Variants in APBB2 observed in about 807,000 individuals in gnomAD.
APBB2 encodes the protein amyloid beta precursor protein binding family B member 2.
In APBB2, 38 loss-of-function variants were observed where a neutral mutation model predicts 82.5. That is an observed-to-expected ratio of 0.46 (90% CI 0.36 to 0.60). APBB2 has a LOEUF of 0.60. APBB2 is among the 20% of genes least tolerant of loss of function. The pLI is 0.00. For missense variants in APBB2, 772 were observed against 972.3 expected (o/e 0.79, Z 2.74); for synonymous variants, 341 against 368.2 (o/e 0.93, Z 0.85).
chr4:40,979,679 C>A (rs1468825502), intron 6 of APBB2, among the ~76,000 whole-genome samples: 1 of 152,192 alleles, frequency 6.6e-6, no homozygotes, highest in African/African-American at 2.4e-5. Flanking sequence ...AAAGGGCAGC[C>A]TCTGGGGATG....
At chr4:40,846,326 C>CAAAAAA (rs3086182) in intron 12 of APBB2, among the ~76,000 whole-genome samples, 26 of 62,494 alleles carry the variant, frequency 4.2e-4, no homozygotes, top group African/African-American at 1.6e-3. Context: ...GAAAACACTC[C>CAAAAAA]AAAAAAAAAA....
intron 3 of APBB2, among the ~76,000 whole-genome samples, chr4:41,066,373 A>C (rs552366010): frequency 1.3e-5 from 2 of 152,278 alleles, no homozygotes; most frequent in South Asian, 2.1e-4. Flanking sequence ...TTATTTAAAA[A>C]ACATATGCAG....
intron 4 of APBB2, among the ~76,000 whole-genome samples, chr4:41,059,981 C>CAAA (rs5857772): frequency 1.4e-5 from 2 of 145,716 alleles, no homozygotes; most frequent in South Asian, 2.2e-4. Context: ...AACTCCGTCT[C>CAAA]AAAAAAAAAT....
At position 41,152,530 on chromosome 4, in the gene APBB2, G is replaced by A. The variant is rs556497415; in HGVS notation, c.-416-9388C>T. On this transcript the variant is annotated intron_variant, in intron 1 of 17. Transcript: ENST00000508593. Reference sequence around the variant, plus strand: ...TTTTTAGTAGAGACGGGATTTCACCGTGTTAGCCAGGATGGTCTCGATCTC... The same window carrying A: ...TTTTTAGTAGAGACGGGATTTCACCATGTTAGCCAGGATGGTCTCGATCTC... Among the ~76,000 whole-genome samples the A allele has an allele frequency of 1.1e-4, 17 of 151,954 alleles. 1 individual carries two copies. In the South Asian group the frequency reaches 3.1e-3, roughly 28 times the overall value.
At chr4:40,943,998 G>A (rs775856235) in intron 7 of APBB2, among the ~76,000 whole-genome samples, 2 of 152,368 alleles carry the variant, frequency 1.3e-5, no homozygotes, top group East Asian at 3.9e-4. Context: ...TTAAAAACAG[G>A]AAGGGTGATA....
intron 6 of APBB2, among the ~76,000 whole-genome samples, chr4:40,974,290 G>A (rs1293594405): frequency 6.6e-6 from 1 of 152,176 alleles, no homozygotes; most frequent in Non-Finnish European, 1.5e-5. Context: ...GCTCTTCAAT[G>A]TATCTTTCTG....
At chr4:40,825,201 C>G (rs919624908) in intron 15 of APBB2, among the ~76,000 whole-genome samples, 1 of 152,198 alleles carries the variant, frequency 6.6e-6, no homozygotes, top group Non-Finnish European at 1.5e-5. Flanking sequence ...TTTTTGCATG[C>G]ACAAACGTTT....
Position 40,945,090 on chromosome 4 carries a change from C to T in APBB2, c.836-17G>A, listed in dbSNP as rs370375410. 79 of 657,986 alleles carry T rather than the reference C, an allele frequency of 1.2e-4. No individual in the cohort carries two copies. The highest frequency in any genetic ancestry group is 3.1e-4 in the Admixed American group (10 of 32,474). The allele number at this position is 657,986 out of a possible 1,614,324, so 40.8% of individuals were successfully genotyped here. On this transcript the variant is annotated splice_polypyrimidine_tract_variant and intron_variant, in intron 6 of 17. Coordinates refer to ENST00000508593, the MANE Select transcript of APBB2 (RefSeq NM_004307.2). ...ATATATCTGCTGAAAAATTGGGGGG[C>T]GGGGCGGGGGGAGAAAGAGAGAATT... is the stretch of plus-strand genomic sequence containing the variant.
rs373320430 is a variant in APBB2, at chr4:40,944,996, C to T, written c.913G>A (p.Gly305Arg). 4.1e-5 allele frequency: 66 copies of T among 1,609,506 alleles called. No individual in the cohort carries two copies. Among genetic ancestry groups the T allele is most frequent in the African/African-American group, 1.4e-4 (10 of 73,670 alleles). Residue 305 changes from glycine to arginine, a missense_variant, in exon 7 of 18, where the codon GGG becomes AGG. By Grantham distance (125) the Gly-to-Arg change is moderately radical. Transcript: ENST00000508593. ...GTTGGGATGTGCCAATAATAGGTCC[C>T]GGCAATGTCACTGACTCTTTTCCAG... ...PGWKRVSDIA[G>R]TYYWHIPTGT...
chr4:40,830,269 T>C (rs1454056199), intron 13 of APBB2, among the ~76,000 whole-genome samples, 194 bp downstream of exon 13: 1 of 152,092 alleles, frequency 6.6e-6, no homozygotes. Flanking sequence ...ATTCATTTTG[T>C]GTAGATGGAG....
At chr4:40,892,470 G>A (rs935094961) in intron 11 of APBB2, 2 of 152,210 alleles carry the variant, frequency 1.3e-5, no homozygotes, top group African/African-American at 4.8e-5. Context: ...CCATTGGGAT[G>A]TGCTGCTAGG....
intron 1 of APBB2, among the ~76,000 whole-genome samples, chr4:41,164,916 T>C (rs1191604839): frequency 6.6e-6 from 1 of 152,240 alleles, no homozygotes; most frequent in Non-Finnish European, 1.5e-5. Context: ...AAAATTAACA[T>C]AGAGTCCATC....
intron 7 of APBB2, among the ~76,000 whole-genome samples, chr4:40,936,572 A>G (rs1785414775): frequency 6.6e-6 from 1 of 152,212 alleles, no homozygotes; most frequent in Non-Finnish European, 1.5e-5. Context: ...TGCACTTACC[A>G]AACTCTGCAA....
chr4:40,974,910 A>G (rs1373147230), intron 6 of APBB2, among the ~76,000 whole-genome samples: 1 of 152,238 alleles, frequency 6.6e-6, no homozygotes, highest in African/African-American at 2.4e-5. Context: ...AAAGTGCTCA[A>G]AACATGATTT....
intron 3 of APBB2, among the ~76,000 whole-genome samples, chr4:41,068,346 G>A (rs1331944449): frequency 6.6e-6 from 1 of 152,178 alleles, no homozygotes; most frequent in African/African-American, 2.4e-5. Context: ...AAATGAAACT[G>A]GGTAAGTGGG....
chr4:41,045,438 C>T (rs1221758584), intron 4 of APBB2, among the ~76,000 whole-genome samples: 1 of 152,056 alleles, frequency 6.6e-6, no homozygotes, highest in East Asian at 1.9e-4. Flanking sequence ...GGACTACAGG[C>T]ACCCACCACC....
intron 10 of APBB2, among the ~76,000 whole-genome samples, chr4:40,919,030 G>A (rs748641322): frequency 6.6e-6 from 1 of 152,110 alleles, no homozygotes; most frequent in South Asian, 2.1e-4. Flanking sequence ...GGCCTCTGGA[G>A]GTTGAGAACA....
At chr4:40,991,094 C>T (rs1233496980) in intron 6 of APBB2, among the ~76,000 whole-genome samples, 4 of 145,316 alleles carry the variant, frequency 2.8e-5, no homozygotes, top group East Asian at 2.1e-4. Flanking sequence ...CTGCAACTTT[C>T]GTCTCAGCCT....
At chr4:41,122,271 A>G (rs1753063275) in intron 2 of APBB2, among the ~76,000 whole-genome samples, 1 of 152,216 alleles carries the variant, frequency 6.6e-6, no homozygotes, top group African/African-American at 2.4e-5. Context: ...ACTTGAGGAC[A>G]GTACAAGTAT....
Sources: gnomAD v4.1 joint callset for allele counts (sites outside exome capture counted in the v4.1 genomes callset) on GRCh38, gnomAD v4.1.1 for gene constraint, MANE v1.5 for transcripts, NCBI Gene and HGNC (gene_info 2026-07-23, HGNC 2026-07-21) for gene names.